PCDH11X: variants seen among roughly 807,000 people sequenced by gnomAD.
The protein encoded by PCDH11X is protocadherin-11 X-linked.
In PCDH11X, 18 loss-of-function variants were observed where a neutral mutation model predicts 53.3. The ratio of observed to expected loss-of-function variants is 0.34; its 90% CI spans 0.23 to 0.50. The LOEUF (loss-of-function observed/expected upper bound fraction) is 0.50, where lower values mean the gene tolerates loss of function less well. PCDH11X is among the 20% of genes least tolerant of loss of function. The pLI is 0.98. For synonymous variants in PCDH11X, 279 were observed against 393.3 expected, an observed-to-expected ratio of 0.71 and a Z score of 3.44; for missense variants, 570 against 1,032.4, an observed-to-expected ratio of 0.55 and a Z score of 6.14.
chrX:92,506,221 T>TTC (rs200387137), intron 10 of PCDH11X, among the ~76,000 whole-genome samples: 10,145 of 81,416 alleles, frequency 0.12, 599 homozygotes, highest in East Asian at 0.43. Context: ...CTTTTCTTTT[T>TTC]TTTTTTTTTT....
chrX:92,277,340 C>A (rs1335896577), intron 8 of PCDH11X, among the ~76,000 whole-genome samples: 1 of 111,100 alleles, frequency 9.0e-6, no homozygotes, highest in Non-Finnish European at 1.9e-5. Context: ...TTGAAAGTGC[C>A]GTTTTCTGGC....
chrX:91,904,264 A>G (rs910687971), intron 6 of PCDH11X, among the ~76,000 whole-genome samples: 2 of 110,683 alleles, frequency 1.8e-5, no homozygotes, highest in African/African-American at 6.6e-5. Flanking sequence ...CACCAACCTA[A>G]TATCATAAGT....
At chrX:92,243,524 T>C (rs148794179) in intron 7 of PCDH11X, among the ~76,000 whole-genome samples, 1,524 of 111,193 alleles carry the variant, frequency 0.014, 23 homozygotes, top group African/African-American at 0.047. Flanking sequence ...TAGGCCTTAA[T>C]GTAAGGTAGA....
intron 8 of PCDH11X, among the ~76,000 whole-genome samples, chrX:92,300,138 T>TTTTA (rs2068690594): frequency 9.1e-6 from 1 of 109,293 alleles, no homozygotes; most frequent in Non-Finnish European, 1.9e-5. Context: ...TAGTATTAAT[T>TTTTA]TTTATTTTTA....
intron 7 of PCDH11X, among the ~76,000 whole-genome samples, chrX:92,257,564 T>A (rs1326312086): frequency 8.9e-6 from 1 of 112,019 alleles, no homozygotes; most frequent in Non-Finnish European, 1.9e-5. Flanking sequence ...GATACAATGG[T>A]CTTACAGACA....
intron 10 of PCDH11X, among the ~76,000 whole-genome samples, chrX:92,483,206 C>A (rs1424412376): frequency 3.6e-5 from 4 of 111,414 alleles, no homozygotes; most frequent in African/African-American, 9.8e-5. Flanking sequence ...ATATTTTGTT[C>A]TTTTACAAAA....
chrX:92,074,141 C>G (rs1200997146), intron 6 of PCDH11X, among the ~76,000 whole-genome samples: 1 of 111,029 alleles, frequency 9.0e-6, no homozygotes, highest in East Asian at 2.8e-4. Context: ...TAAAATGTTC[C>G]TTTAGGTGGC....
intron 6 of PCDH11X, among the ~76,000 whole-genome samples, chrX:91,953,549 G>C (rs1434781134): frequency 9.1e-6 from 1 of 110,051 alleles, no homozygotes; most frequent in African/African-American, 3.3e-5. Context: ...GTATCCACCA[G>C]TAATTTCTTG....
chrX:91,956,223 CT>C (rs1487243385), intron 6 of PCDH11X, among the ~76,000 whole-genome samples: 2 of 110,760 alleles, frequency 1.8e-5, no homozygotes, highest in Non-Finnish European at 1.9e-5. Context: ...CATTCTGTGT[CT>C]TTTAATTGGG....
intron 8 of PCDH11X, among the ~76,000 whole-genome samples, chrX:92,309,313 A>G (rs2068896928): frequency 8.9e-6 from 1 of 112,146 alleles, no homozygotes; most frequent in African/African-American, 3.2e-5. Flanking sequence ...TCAGCTTTAA[A>G]AAATGAGGGA....
rs538145346 is a variant in PCDH11X at position 92,247,006 on chromosome X, C to T, written c.3115-16108C>T. Among the ~76,000 whole-genome samples, 58 of 111,732 alleles carry T rather than the reference C, an allele frequency of 5.2e-4. No individual in the cohort carries two copies. In the South Asian group the frequency reaches 0.022, roughly 42 times the overall value. ...CAAGGACTTGCTCAGTGTCACACAG[C>T]TCTTTGATCCCTTAGAGTATTGCCA... On this transcript the variant is annotated intron_variant, in intron 7 of 10. Transcript: ENST00000682573.
chrX:92,324,368 A>G (rs905457416), intron 8 of PCDH11X, among the ~76,000 whole-genome samples: 1 of 111,363 alleles, frequency 9.0e-6, no homozygotes, highest in Non-Finnish European at 1.9e-5. Flanking sequence ...TTATAAATCA[A>G]TTTGGCAATC....
chrX:92,297,467 C>T (rs1201255990), intron 8 of PCDH11X, among the ~76,000 whole-genome samples: 1 of 111,064 alleles, frequency 9.0e-6, no homozygotes, highest in Non-Finnish European at 1.9e-5. Context: ...AGGTATGCGG[C>T]TTTATTTCTG....
chrX:91,836,925 T>C (rs1937323844), intron 5 of PCDH11X, among the ~76,000 whole-genome samples: 1 of 110,367 alleles, frequency 9.1e-6, no homozygotes, highest in South Asian at 3.9e-4. Flanking sequence ...GATTTGGGTA[T>C]GTGAAATAGT....
At chrX:91,946,599 A>AT (rs58031232) in intron 6 of PCDH11X, among the ~76,000 whole-genome samples, 5 of 76,103 alleles carry the variant, frequency 6.6e-5, no homozygotes, top group East Asian at 4.0e-4. Flanking sequence ...ATATATATAT[A>AT]GCTATTTAAA....
chrX:92,603,734 G>A (rs1317494426), intron 10 of PCDH11X, among the ~76,000 whole-genome samples: 3 of 97,852 alleles, frequency 3.1e-5, no homozygotes, highest in Non-Finnish European at 6.2e-5. Flanking sequence ...ACAATTTATT[G>A]CTAGCATATC....
At chrX:92,042,238 A>G (rs2063219719) in intron 6 of PCDH11X, among the ~76,000 whole-genome samples, 1 of 110,837 alleles carries the variant, frequency 9.0e-6, no homozygotes, top group Non-Finnish European at 1.9e-5. Flanking sequence ...ATTAAAATAT[A>G]TCATGAAAGA....
At chrX:92,531,110 T>C (rs964778167) in intron 10 of PCDH11X, among the ~76,000 whole-genome samples, 1 of 111,279 alleles carries the variant, frequency 9.0e-6, no homozygotes, top group Non-Finnish European at 1.9e-5. Flanking sequence ...AATTTAAAAG[T>C]GCATGTGTGT....
chrX:92,430,114 C>T (rs1303687202), intron 9 of PCDH11X, among the ~76,000 whole-genome samples: 4 of 97,732 alleles, frequency 4.1e-5, no homozygotes, highest in African/African-American at 1.1e-4. Context: ...AACATTTTAC[C>T]GAACTTCAGG....
Sources: gnomAD v4.1 joint callset for allele counts (sites outside exome capture counted in the v4.1 genomes callset) on GRCh38, gnomAD v4.1.1 for gene constraint, MANE v1.5 for transcripts, NCBI Gene and HGNC (gene_info 2026-07-23, HGNC 2026-07-21) for gene names.